Variants in SPATA45 observed in about 807,000 individuals in gnomAD.
SPATA45 encodes the protein spermatogenesis associated 45.
A neutral mutation model predicts 7.0 loss-of-function variants in SPATA45; 5 were observed. The observed-to-expected ratio is 0.71, with a 90% CI of 0.37 to 1.50. The LOEUF (loss-of-function observed/expected upper bound fraction) is 1.50, where lower values mean the gene tolerates loss of function less well. SPATA45 is among the 40% of genes most tolerant of loss of function. SPATA45 has a pLI of 0.03. For synonymous variants in SPATA45, 40 were observed against 38.7 expected (o/e 1.03, Z -0.13); for missense variants, 111 against 114.9 (o/e 0.97, Z 0.16).
In SPATA45 at chr1:212,839,383, G is replaced by A. The variant is rs543614867; in HGVS notation, c.-38-3196C>T. On this transcript the variant is annotated intron_variant, in intron 1 of 2. Transcript: ENST00000332912. Reference sequence around the variant, plus strand: ...TATAATCCCAGCACTTTGGAAAGCTGAGGAAGGAGGACTGCTTGAGCTCAG... The same window carrying A: ...TATAATCCCAGCACTTTGGAAAGCTAAGGAAGGAGGACTGCTTGAGCTCAG... 4.6e-5 allele frequency among the ~76,000 whole-genome samples: 7 copies of A among 151,320 alleles called. No homozygotes were observed. In the South Asian group the frequency reaches 1.5e-3, roughly 32 times the overall value.
At chr1:212,846,005 G>A (rs1416962503) in intron 1 of SPATA45, among the ~76,000 whole-genome samples, 1 of 152,132 alleles carries the variant, frequency 6.6e-6, no homozygotes, top group Non-Finnish European at 1.5e-5. Flanking sequence ...ACCCCCTTGG[G>A]CACTCCTTAA....
At chr1:212,837,196 T>TA (rs1297795640) in intron 1 of SPATA45, among the ~76,000 whole-genome samples, 2 of 151,532 alleles carry the variant, frequency 1.3e-5, no homozygotes, top group African/African-American at 4.8e-5. Context: ...TACATGATTA[T>TA]AAAAATAATA....
At chr1:212,846,731 C>T (rs1663800676) in intron 1 of SPATA45, among the ~76,000 whole-genome samples, 1 of 152,222 alleles carries the variant, frequency 6.6e-6, no homozygotes, top group South Asian at 2.1e-4. Flanking sequence ...GGCCCGCCTG[C>T]ACCCAGGTGA....
chr1:212,843,465 TAAGTA>T (rs1457641513), intron 1 of SPATA45, among the ~76,000 whole-genome samples: 1 of 152,240 alleles, frequency 6.6e-6, no homozygotes, highest in East Asian at 1.9e-4. Context: ...TTCAATTTGA[TAAGTA>T]AATAATTTAG....
chr1:212,839,131 A>T (rs904088795), intron 1 of SPATA45, among the ~76,000 whole-genome samples: 4 of 145,352 alleles, frequency 2.8e-5, no homozygotes, highest in Non-Finnish European at 6.0e-5. Context: ...TATATATATT[A>T]TATATATATA....
rs546734023 is a variant in SPATA45, at chr1:212,841,124, T to A, written c.-38-4937A>T. ...CCCAGCTAATGTTTGTAAGTCTTTT[T>A]AAATTCTTTTAGAGTGGGAGACACC... On this transcript the variant is annotated intron_variant, in intron 1 of 2. Coordinates refer to ENST00000332912, the MANE Select transcript of SPATA45 (RefSeq NM_001024601.3). Among the ~76,000 whole-genome samples, 4 of 152,264 alleles carry A rather than the reference T, an allele frequency of 2.6e-5. No individual in the cohort carries two copies. In the East Asian group the frequency reaches 7.7e-4, roughly 29 times the overall value.
chr1:212,831,484 A>C lies in SPATA45; in HGVS notation c.278-1223T>G, dbSNP rs926645961. 7.9e-5 allele frequency among the ~76,000 whole-genome samples: 12 copies of C among 151,158 alleles called. No homozygotes were observed. In the South Asian group the frequency reaches 1.3e-3, roughly 16 times the overall value. On this transcript the variant is annotated intron_variant, in intron 2 of 2. Transcript: ENST00000332912. ...CAAGACTCTGCCTCTAAAAAAAAAA[A>C]AAAAAACCTCAAATTACTAAAAGCA...
chr1:212,833,163 G>A (rs937054331), intron 2 of SPATA45, among the ~76,000 whole-genome samples: 2 of 151,508 alleles, frequency 1.3e-5, no homozygotes, highest in Non-Finnish European at 3.0e-5. Flanking sequence ...GTTCTTCAGC[G>A]GTGATTTCTG....
chr1:212,833,384 C>G (rs954793034), intron 2 of SPATA45, among the ~76,000 whole-genome samples: 15 of 151,278 alleles, frequency 9.9e-5, no homozygotes, highest in African/African-American at 3.6e-4. Context: ...CCTGGCCGGG[C>G]TCAGTGGCTC....
intron 2 of SPATA45, among the ~76,000 whole-genome samples, chr1:212,832,403 C>G (rs1209062494): frequency 9.1e-6 from 1 of 109,580 alleles, no homozygotes; most frequent in Non-Finnish European, 1.7e-5. Flanking sequence ...GAGAAGAGGT[C>G]TCTCTATGTT....
At chr1:212,832,068 T>C (rs1663500146) in intron 2 of SPATA45, among the ~76,000 whole-genome samples, 1 of 139,446 alleles carries the variant, frequency 7.2e-6, no homozygotes, top group African/African-American at 2.6e-5. Context: ...GCCCAGGCTG[T>C]AGTGCAGTGG....
chr1:212,831,713 T>C (rs1663491240), intron 2 of SPATA45, among the ~76,000 whole-genome samples: 3 of 151,214 alleles, frequency 2.0e-5, no homozygotes, highest in South Asian at 2.1e-4. Context: ...GAACTCCAAA[T>C]ACTCTATGCA....
At chr1:212,840,341 T>C (rs1414110725) in intron 1 of SPATA45, among the ~76,000 whole-genome samples, 7 of 152,078 alleles carry the variant, frequency 4.6e-5, no homozygotes, top group Admixed American at 6.6e-5. Context: ...ACCCGGAAGA[T>C]AGAGGTTATA....
In SPATA45 at chr1:212,832,328, T is replaced by C. The variant is rs111807271; in HGVS notation, c.278-2067A>G. ...TGAAATGTACTATTTTTTAACTTGT[T>C]TATCTGGCTCTCTACCCAGTGAAAT... On this transcript the variant is annotated intron_variant, in intron 2 of 2. Transcript: ENST00000332912. 3.2e-3 allele frequency among the ~76,000 whole-genome samples: 488 copies of C among 150,366 alleles called. 4 individuals are homozygous for C. Among genetic ancestry groups the C allele is most frequent in the African/African-American group, 0.011 (450 of 41,240 alleles).
At chr1:212,840,794 A>G (rs762968470) in intron 1 of SPATA45, among the ~76,000 whole-genome samples, 3 of 149,328 alleles carry the variant, frequency 2.0e-5, no homozygotes, top group African/African-American at 4.9e-5. Context: ...ATTTTTTTGT[A>G]TTTTTAGTAG....
intron 2 of SPATA45, among the ~76,000 whole-genome samples, chr1:212,833,503 C>CAAAAAAAAAAA (rs35760900): frequency 9.2e-6 from 1 of 108,766 alleles, no homozygotes; most frequent in African/African-American, 3.6e-5. Flanking sequence ...TACTAAAATA[C>CAAAAAAAAAAA]AAAAAAAAAA....
At chr1:212,837,999 A>C (rs1663617342) in intron 1 of SPATA45, among the ~76,000 whole-genome samples, 2 of 151,514 alleles carry the variant, frequency 1.3e-5, no homozygotes, top group South Asian at 4.2e-4. Context: ...AATAACATAA[A>C]CCAGAAGACA....
At chr1:212,843,369 C>T (rs1663727153) in intron 1 of SPATA45, among the ~76,000 whole-genome samples, 1 of 152,014 alleles carries the variant, frequency 6.6e-6, no homozygotes, top group Non-Finnish European at 1.5e-5. Context: ...ACTAAATGAG[C>T]TAATAAATAC....
chr1:212,832,007 T>C (rs1233126359), intron 2 of SPATA45, among the ~76,000 whole-genome samples: 2 of 141,022 alleles, frequency 1.4e-5, no homozygotes, highest in Admixed American at 1.6e-4. Context: ...TGATCGGACA[T>C]TTACTTCCTT....
Sources: gnomAD v4.1 joint callset for allele counts (sites outside exome capture counted in the v4.1 genomes callset) on GRCh38, gnomAD v4.1.1 for gene constraint, MANE v1.5 for transcripts, NCBI Gene and HGNC (gene_info 2026-07-23, HGNC 2026-07-21) for gene names.